The following CCDC88C variants were observed in gnomAD, a reference collection of about 807,000 sequenced individuals.
CCDC88C encodes the protein coiled-coil and HOOK domain protein 88C.
In CCDC88C, 131 loss-of-function variants were observed where a neutral mutation model predicts 198.8. The observed-to-expected ratio is 0.66, with a 90% CI of 0.57 to 0.76. CCDC88C has a LOEUF of 0.76. CCDC88C is among the 30% of genes least tolerant of loss of function. CCDC88C has a pLI of 0.00. For missense variants in CCDC88C, 2,553 were observed against 2,631.6 expected (o/e 0.97, Z 0.65); for synonymous variants, 1,166 against 1,114.7 (o/e 1.05, Z -0.92).
intron 11 of CCDC88C, 40 bp from the exon 12 acceptor site, chr14:91,324,963 G>C: frequency 1.2e-6 from 2 of 1,611,018 alleles, no homozygotes; most frequent in East Asian, 4.5e-5. Flanking sequence ...AGGCTGCACA[G>C]CTGGAGATCC....
chr14:91,289,486 A>G (rs1388681453), intron 24 of CCDC88C, 143 bp from the exon 25 acceptor site: 1 of 772,208 alleles, frequency 1.3e-6, no homozygotes, highest in African/African-American at 1.7e-5. Flanking sequence ...AATGACGCTC[A>G]TGACCATGGT....
chr14:91,274,834 G>A (rs185838838), intron 29 of CCDC88C, among the ~76,000 whole-genome samples: 1 of 152,216 alleles, frequency 6.6e-6, no homozygotes, highest in Admixed American at 6.5e-5. Flanking sequence ...AACAGGTCAC[G>A]GAGGTTTGGC....
At chr14:91,377,607 CAT>C (rs1884516965) in intron 3 of CCDC88C, among the ~76,000 whole-genome samples, 1 of 152,146 alleles carries the variant, frequency 6.6e-6, no homozygotes, top group Non-Finnish European at 1.5e-5. Context: ...ACAGTATAAT[CAT>C]TATGTACCCA....
intron 3 of CCDC88C, among the ~76,000 whole-genome samples, chr14:91,373,770 T>A (rs1055838696): frequency 2.0e-5 from 3 of 152,144 alleles, no homozygotes; most frequent in African/African-American, 7.2e-5. Flanking sequence ...TCTCAAAAGA[T>A]GTTATCAACT....
intron 2 of CCDC88C, among the ~76,000 whole-genome samples, chr14:91,412,641 T>C (rs987653750): frequency 2.0e-5 from 3 of 152,108 alleles, no homozygotes; most frequent in Non-Finnish European, 4.4e-5. Context: ...TTCACTGTGT[T>C]AGCCAGGATG....
At chr14:91,356,085 A>G (rs2139896592) in intron 4 of CCDC88C, among the ~76,000 whole-genome samples, 1 of 152,344 alleles carries the variant, frequency 6.6e-6, no homozygotes, top group Admixed American at 6.5e-5. Context: ...CAAATTAAAA[A>G]AACACCAACT....
In CCDC88C at chr14:91,339,303, T is replaced by C. The variant is rs1223215589; in HGVS notation, c.784A>G (p.Arg262Gly). ...LAVELADTKA[R>G]LRRVRQELED... ...AGCTCCTGCCTGACGCGCCGCAGCCTGGCCTTGGTGTCGGCCAGCTCTACG... is the reference window on the plus strand; with the variant it reads ...AGCTCCTGCCTGACGCGCCGCAGCCCGGCCTTGGTGTCGGCCAGCTCTACG... The change falls in exon 8 of 30, where the codon AGG becomes GGG. Residue 262 changes from arginine to glycine, a missense_variant. Physicochemically the swap from Arg to Gly is moderately radical, Grantham distance 125. Coordinates refer to ENST00000389857, the MANE Select transcript of CCDC88C (RefSeq NM_001080414.4). The surrounding 1 kb of genome is among the most constrained non-coding windows in gnomAD (Gnocchi z 5.8). 1.2e-6 allele frequency: 2 copies of C among 1,613,202 alleles called. No homozygotes were observed. The highest frequency in any genetic ancestry group is 2.2e-5 in the East Asian group (1 of 44,886).
At chr14:91,357,789 G>A (rs1025005232) in intron 4 of CCDC88C, among the ~76,000 whole-genome samples, 2 of 152,198 alleles carry the variant, frequency 1.3e-5, no homozygotes, top group Admixed American at 6.5e-5. Flanking sequence ...GCCCAGGGCT[G>A]TGGCCAGCAT....
intron 3 of CCDC88C, among the ~76,000 whole-genome samples, chr14:91,370,602 C>A (rs1894747407): frequency 6.6e-6 from 1 of 152,170 alleles, no homozygotes. Flanking sequence ...TGGAAGAGAA[C>A]CTCTGCCCAT....
At chr14:91,388,563 C>T (rs973004935) in intron 3 of CCDC88C, among the ~76,000 whole-genome samples, 2 of 152,298 alleles carry the variant, frequency 1.3e-5, no homozygotes, top group South Asian at 2.1e-4. Flanking sequence ...AGACGGTGAC[C>T]GCGTCTGCTG....
intron 3 of CCDC88C, among the ~76,000 whole-genome samples, chr14:91,400,169 G>A (rs538580259): frequency 6.6e-6 from 1 of 152,252 alleles, no homozygotes; most frequent in Non-Finnish European, 1.5e-5. Flanking sequence ...CAAAACGTGA[G>A]CATCTCGGGC....
In CCDC88C at chr14:91,417,666, G is replaced by A. The variant is rs780181885; in HGVS notation, c.25C>T (p.Leu9=). 12 of 1,585,254 alleles carry A rather than the reference G, an allele frequency of 7.6e-6. No homozygotes were observed. Among genetic ancestry groups the A allele is most frequent in the Admixed American group, 1.7e-5 (1 of 57,924 alleles). MDVTVSEL[L]ELFLQSPLVT... ...AGCGGGCTCTGCAGGAAGAGCTCCA[G>A]GAGCTCCGAGACTGTCACGTCCATG... is the stretch of plus-strand genomic sequence containing the variant. The change falls in exon 1 of 30, where the codon CTG becomes TTG. Residue 9 remains leucine, a synonymous_variant. Coordinates refer to ENST00000389857, the MANE Select transcript of CCDC88C (RefSeq NM_001080414.4).
In CCDC88C at chr14:91,306,999, T is replaced by C. The variant is rs377379812; in HGVS notation, c.3195+39A>G. The C allele has an allele frequency of 4.6e-4, 710 of 1,552,336 alleles. 1 individual carries two copies. The highest frequency in any genetic ancestry group is 5.8e-4 in the Non-Finnish European group (668 of 1,146,232). On this transcript the variant is annotated intron_variant, in intron 18 of 29. Coordinates refer to ENST00000389857, the MANE Select transcript of CCDC88C (RefSeq NM_001080414.4). The stretch of plus-strand genomic sequence containing the variant: ...CTACTGATAAGGCAGTCTCTCTCTC[T>C]CTGTCCCCGATGGACCATGCCCAGG...
intron 19 of CCDC88C, 67 bp from the exon 20 acceptor site, chr14:91,304,045 T>C: frequency 6.5e-7 from 1 of 1,547,598 alleles, no homozygotes; most frequent in South Asian, 1.2e-5. Context: ...GGGGAGCAGG[T>C]CAAGTGCTCG....
intron 3 of CCDC88C, among the ~76,000 whole-genome samples, chr14:91,391,264 A>C (rs1365453564): frequency 6.6e-6 from 1 of 152,140 alleles, no homozygotes; most frequent in Non-Finnish European, 1.5e-5. Flanking sequence ...AAACAAAAAA[A>C]AAAACCCACT....
chr14:91,339,935 G>C lies in CCDC88C; in HGVS notation c.573C>G (p.Ser191Arg). ...TGAGCCTCCGCAGGTGGAGCACCATGCTCCTCGACAGGGCCTCCAGCTCCT... is the reference window on the plus strand; with the variant it reads ...TGAGCCTCCGCAGGTGGAGCACCATCCTCCTCGACAGGGCCTCCAGCTCCT... Reference protein sequence around the residue: ...APEELEALSRSMVLHLRRLID... With the variant: ...APEELEALSRRMVLHLRRLID... Residue 191 changes from serine to arginine, a missense_variant, in exon 7 of 30, where the codon AGC (serine) becomes AGG (arginine). Transcript: ENST00000389857. The surrounding 1 kb of genome is among the most constrained non-coding windows in gnomAD (Gnocchi z 5.8). The C allele has an allele frequency of 6.3e-7, 1 of 1,596,910 alleles. No homozygotes were observed. The highest frequency in any genetic ancestry group is 1.3e-5 in the African/African-American group (1 of 74,624).
Position 91,325,003 on chromosome 14 carries a change from T to C in CCDC88C, c.1198-80A>G. ...GGACAAGCCTCAGCCCCTGTATAGCTACCGTCATGTGCTGTGGATGAAGAT... is the reference window on the plus strand; with the variant it reads ...GGACAAGCCTCAGCCCCTGTATAGCCACCGTCATGTGCTGTGGATGAAGAT... On this transcript the variant is annotated intron_variant, in intron 11 of 29. Coordinates refer to ENST00000389857, the MANE Select transcript of CCDC88C (RefSeq NM_001080414.4). The surrounding 1 kb of genome is among the most constrained non-coding windows in gnomAD (Gnocchi z 4.1). 1.9e-6 allele frequency: 3 copies of C among 1,544,758 alleles called. No homozygotes were observed. The highest frequency in any genetic ancestry group is 3.4e-5 in the Admixed American group (2 of 58,692).
rs1343892788 is a variant in CCDC88C, at chr14:91,272,385, T to C, written c.*240A>G. ...CCCCATGCTGACGTGGATTATTTGT[T>C]CCAAAGATATCAGCTGCTGGAAGCG... On this transcript the variant is annotated 3_prime_UTR_variant, in exon 30 of 30. Coordinates refer to ENST00000389857, the MANE Select transcript of CCDC88C (RefSeq NM_001080414.4). 5 of 541,394 alleles carry C rather than the reference T, an allele frequency of 9.2e-6. No individual in the cohort carries two copies. The highest frequency in any genetic ancestry group is 1.6e-5 in the Non-Finnish European group (5 of 307,382). The allele number at this position is 541,394 out of a possible 1,614,324, so 33.5% of individuals were successfully genotyped here.
chr14:91,281,149 G>A (rs1416428197), intron 27 of CCDC88C: 6 of 535,328 alleles, frequency 1.1e-5, no homozygotes, highest in South Asian at 9.2e-5. Flanking sequence ...TTCTTGAAAT[G>A]AACGCTCCCC....
Sources: gnomAD v4.1 joint callset for allele counts (sites outside exome capture counted in the v4.1 genomes callset) on GRCh38, gnomAD v4.1.1 for gene constraint, Gnocchi (gnomAD v3.1) non-coding constraint, MANE v1.5 for transcripts, NCBI Gene and HGNC (gene_info 2026-07-23, HGNC 2026-07-21) for gene names.